Variants in TBL1X observed in about 807,000 individuals in gnomAD.
TBL1X encodes F-box-like/WD repeat-containing protein TBL1X.
In TBL1X, 10 loss-of-function variants were observed where a neutral mutation model predicts 50.7. The observed-to-expected ratio is 0.20, with a 90% CI of 0.12 to 0.33. TBL1X has a LOEUF of 0.33. Ranked by LOEUF, TBL1X falls within the 10% of genes least tolerant of loss-of-function variation. TBL1X has a pLI of 1.00. For synonymous variants in TBL1X, 190 were observed against 214.7 expected (o/e 0.88, Z 1.01); for missense variants, 340 against 504.4 (o/e 0.67, Z 3.12).
chrX:9,483,643 C>T (rs1385222407), intron 1 of TBL1X, among the ~76,000 whole-genome samples: 1 of 111,188 alleles, frequency 9.0e-6, no homozygotes, highest in Non-Finnish European at 1.9e-5. Context: ...TGCTTTCCAC[C>T]CTCCGACAAG....
intron 2 of TBL1X, among the ~76,000 whole-genome samples, chrX:9,609,374 T>TGTGTG (rs2082601415): frequency 2.8e-5 from 3 of 105,728 alleles, no homozygotes; most frequent in Admixed American, 1.0e-4. Flanking sequence ...TGTGTGTGTG[T>TGTGTG]TGCCCCAGCA....
At position 9,507,032 on chromosome X, in the gene TBL1X, A is replaced by C. The variant is rs183360888; in HGVS notation, c.-131+5183A>C. 1.0e-3 allele frequency among the ~76,000 whole-genome samples: 114 copies of C among 112,419 alleles called. 1 individual carries two copies. Among genetic ancestry groups the C allele is most frequent in the Non-Finnish European group, 8.3e-4 (44 of 53,301 alleles). ...AGCATTCCCTTTGAAAACTGGTACA[A>C]AACAAGGATGCCCTCTCTCACCACT... On this transcript the variant is annotated intron_variant, in intron 2 of 17. Coordinates refer to ENST00000645353, the MANE Select transcript of TBL1X (RefSeq NM_005647.4).
chrX:9,639,595 T>A (rs754527934), intron 2 of TBL1X, among the ~76,000 whole-genome samples: 2 of 112,540 alleles, frequency 1.8e-5, no homozygotes, highest in Admixed American at 1.9e-4. Context: ...TCCTCATAAA[T>A]CAGTGCAAAT....
At chrX:9,465,741 G>A (rs906284440) in intron 1 of TBL1X, among the ~76,000 whole-genome samples, 2 of 113,006 alleles carry the variant, frequency 1.8e-5, no homozygotes, top group Admixed American at 9.2e-5. Flanking sequence ...TTTGGGGAGG[G>A]GGAAGTGGCC....
At chrX:9,512,564 C>T (rs1198372766) in intron 2 of TBL1X, among the ~76,000 whole-genome samples, 2 of 109,296 alleles carry the variant, frequency 1.8e-5, no homozygotes, top group Non-Finnish European at 1.9e-5. Context: ...AGTGCAGTGG[C>T]GTGATCCACT....
chrX:9,552,515 A>G (rs1401354272), intron 2 of TBL1X, among the ~76,000 whole-genome samples: 5 of 111,751 alleles, frequency 4.5e-5, no homozygotes, highest in Admixed American at 9.5e-5. Flanking sequence ...TCCTCTCACA[A>G]TCTTCTACAG....
chrX:9,504,270 A>G (rs1256159212), intron 2 of TBL1X, among the ~76,000 whole-genome samples: 1 of 111,945 alleles, frequency 8.9e-6, no homozygotes, highest in Non-Finnish European at 1.9e-5. Context: ...ACAATCAAAT[A>G]AAAGGTCCCC....
intron 2 of TBL1X, among the ~76,000 whole-genome samples, chrX:9,514,718 A>G (rs1371975002): frequency 8.9e-6 from 1 of 112,069 alleles, no homozygotes; most frequent in African/African-American, 3.2e-5. Context: ...AACCCAGGAA[A>G]TCCACGTTGG....
intron 1 of TBL1X, among the ~76,000 whole-genome samples, chrX:9,468,405 A>C (rs911132212): frequency 8.9e-6 from 1 of 112,107 alleles, no homozygotes; most frequent in Non-Finnish European, 1.9e-5. Flanking sequence ...CCTTCCTGCA[A>C]CTGTTAAATT....
At chrX:9,637,765 C>T (rs1484172264) in intron 2 of TBL1X, 1 of 111,191 alleles carries the variant, frequency 9.0e-6, no homozygotes, top group Non-Finnish European at 1.9e-5. Flanking sequence ...TCGGCGGATC[C>T]AGGTTCCTGT....
chrX:9,491,823 T>C (rs1385372843), intron 1 of TBL1X, among the ~76,000 whole-genome samples: 1 of 111,132 alleles, frequency 9.0e-6, no homozygotes, highest in Admixed American at 9.6e-5. Flanking sequence ...CAAGTTGTTT[T>C]GGTGATTGAA....
intron 2 of TBL1X, among the ~76,000 whole-genome samples, chrX:9,556,470 C>T (rs2082300255): frequency 9.3e-6 from 1 of 107,254 alleles, no homozygotes; most frequent in South Asian, 4.1e-4. Flanking sequence ...CCAGCCTGGG[C>T]AACATGGCAA....
intron 2 of TBL1X, among the ~76,000 whole-genome samples, chrX:9,549,942 T>C (rs1159686654): frequency 9.0e-6 from 1 of 111,671 alleles, no homozygotes; most frequent in East Asian, 2.8e-4. Context: ...GCTCAGCTCC[T>C]GACAGCAGTG....
chrX:9,686,328 C>A, intron 6 of TBL1X, among the ~76,000 whole-genome samples: 1 of 112,078 alleles, frequency 8.9e-6, no homozygotes, highest in Non-Finnish European at 1.9e-5. Context: ...TAGTTGCCTT[C>A]CCTCGGCACT....
chrX:9,714,067 G>A (rs12689550), intron 16 of TBL1X, among the ~76,000 whole-genome samples: 43,103 of 109,444 alleles, frequency 0.39, 6,809 homozygotes, highest in East Asian at 0.69. Context: ...CTCCCGCCTC[G>A]GCCTCCCAAA....
chrX:9,620,227 C>T (rs1173951583), intron 2 of TBL1X, among the ~76,000 whole-genome samples: 7 of 112,348 alleles, frequency 6.2e-5, no homozygotes, highest in African/African-American at 2.3e-4. Context: ...TGAGTCCTCA[C>T]GAAGGAAAAT....
chrX:9,714,691 G>A (rs1195829544), intron 16 of TBL1X, among the ~76,000 whole-genome samples: 1 of 112,536 alleles, frequency 8.9e-6, no homozygotes, highest in Non-Finnish European at 1.9e-5. Flanking sequence ...GGCAGATTCC[G>A]CAGGCATAAG....
chrX:9,689,146 G>T (rs1393951912), intron 7 of TBL1X, among the ~76,000 whole-genome samples: 1 of 113,439 alleles, frequency 8.8e-6, no homozygotes, highest in African/African-American at 3.2e-5. Context: ...TAGTGTATGT[G>T]TGTGTGTTCT....
chrX:9,578,518 C>T (rs758169857), intron 2 of TBL1X, among the ~76,000 whole-genome samples: 186 of 111,634 alleles, frequency 1.7e-3, no homozygotes, highest in African/African-American at 5.8e-3. Flanking sequence ...CAAGCTGGAG[C>T]CTGCAGAAAG....
Sources: allele counts gnomAD v4.1 joint callset (sites outside exome capture counted in the v4.1 genomes callset), GRCh38; gene constraint gnomAD v4.1.1; transcripts MANE v1.5; gene names NCBI Gene and HGNC (gene_info 2026-07-23, HGNC 2026-07-21).